The following DPH6 variants were observed in gnomAD, a reference collection of about 807,000 sequenced individuals.
DPH6 encodes diphthamine biosynthesis 6.
In DPH6, 33 loss-of-function variants were observed where a neutral mutation model predicts 38.2. The observed-to-expected ratio is 0.86, with a 90% CI of 0.65 to 1.15. DPH6 has a LOEUF of 1.15. Ranked by LOEUF, DPH6 falls within the 50% of genes most tolerant of loss-of-function variation. DPH6 has a pLI of 0.00. For missense variants in DPH6, 325 were observed against 320.0 expected (o/e 1.02, Z -0.12); for synonymous variants, 108 against 103.0 (o/e 1.05, Z -0.30).
At chr15:35,506,885 A>G (rs1452589065) in intron 3 of DPH6, among the ~76,000 whole-genome samples, 1 of 152,198 alleles carries the variant, frequency 6.6e-6, no homozygotes, top group African/African-American at 2.4e-5. Flanking sequence ...CTGTTTAACA[A>G]TGACTTGTCT....
intron 3 of DPH6, among the ~76,000 whole-genome samples, chr15:35,320,859 A>G (rs1421234885): frequency 6.6e-6 from 1 of 152,216 alleles, no homozygotes; most frequent in African/African-American, 2.4e-5. Flanking sequence ...GGAGAAAAAA[A>G]TAAAAGCTCT....
the DPH6 span, among the ~76,000 whole-genome samples, chr15:35,207,305 C>T: frequency 6.6e-6 from 1 of 151,926 alleles, no homozygotes; most frequent in African/African-American, 2.4e-5. Context: ...ACCTGGCCTC[C>T]CAAAGTGCTG....
the DPH6 span, among the ~76,000 whole-genome samples, chr15:35,180,896 G>C: frequency 3.3e-5 from 5 of 152,118 alleles, no homozygotes; most frequent in Admixed American, 6.6e-5. Flanking sequence ...GGCATTGAAA[G>C]TAATTTTTAA....
intron 6 of DPH6, among the ~76,000 whole-genome samples, chr15:35,398,263 G>A (rs2053171895): frequency 6.6e-6 from 1 of 152,120 alleles, no homozygotes; most frequent in Non-Finnish European, 1.5e-5. Context: ...TTCTAATGAG[G>A]TGACCCTTGG....
rs2051607814 is a variant in DPH6, at chr15:35,242,513, T to A, written n.201-21931A>T. The stretch of plus-strand genomic sequence containing the variant: ...AGTTCTTCCCTTCTGTCAGACATAA[T>A]TCCTCAGTTTAGCCTTCCCACCTCT... On this transcript the variant is annotated intron_variant and non_coding_transcript_variant, in intron 3 of 3. Coordinates refer to the DPH6 transcript ENST00000560386. 2.1e-5 allele frequency among the ~76,000 whole-genome samples: 3 copies of A among 143,420 alleles called. 1 individual carries two copies. Among genetic ancestry groups the A allele is most frequent in the South Asian group, 4.9e-4 (2 of 4,122 alleles). 94.1% of individuals were successfully genotyped at this position (143,420 alleles called of 152,430 possible).
chr15:35,227,771 TTCTC>T (rs1266679357), intron 3 of DPH6, among the ~76,000 whole-genome samples: 1 of 152,052 alleles, frequency 6.6e-6, no homozygotes, highest in Non-Finnish European at 1.5e-5. Context: ...AGATATAAAC[TTCTC>T]TCTTAGTACC....
the DPH6 span, among the ~76,000 whole-genome samples, chr15:35,182,973 C>G: frequency 6.6e-6 from 1 of 152,136 alleles, no homozygotes; most frequent in African/African-American, 2.4e-5. Context: ...CAATGCAAAA[C>G]AAAGACTACA....
At chr15:35,422,922 T>C (rs1812331236) in intron 5 of DPH6, among the ~76,000 whole-genome samples, 1 of 151,926 alleles carries the variant, frequency 6.6e-6, no homozygotes, top group Non-Finnish European at 1.5e-5. Flanking sequence ...TAATACTTCA[T>C]TGTATAAATA....
At chr15:35,155,384 G>A in the DPH6 span, among the ~76,000 whole-genome samples, 1 of 152,168 alleles carries the variant, frequency 6.6e-6, no homozygotes, top group Non-Finnish European at 1.5e-5. Context: ...GAAGCAGGCT[G>A]GCATAATTGT....
intron 3 of DPH6, among the ~76,000 whole-genome samples, chr15:35,335,943 G>A (rs986111481): frequency 2.0e-5 from 3 of 152,112 alleles, no homozygotes; most frequent in African/African-American, 7.2e-5. Flanking sequence ...AGTTTAATGG[G>A]AATAGCATTG....
chr15:35,222,398 T>C (rs2051448274), intron 3 of DPH6, among the ~76,000 whole-genome samples: 2 of 152,222 alleles, frequency 1.3e-5, no homozygotes, highest in African/African-American at 4.8e-5. Flanking sequence ...TGGCACAGTC[T>C]CATGAGGTCC....
chr15:35,218,339 T>G (rs2051422042), exon 4 of DPH6: 1 of 152,240 alleles, frequency 6.6e-6, no homozygotes, highest in Admixed American at 6.5e-5. Flanking sequence ...ATCTTTGTTA[T>G]GAATGCATTC....
At chr15:35,523,537 A>G (rs1343250564) in intron 3 of DPH6, among the ~76,000 whole-genome samples, 1 of 152,016 alleles carries the variant, frequency 6.6e-6, no homozygotes, top group Non-Finnish European at 1.5e-5. Flanking sequence ...AAGAAAAATT[A>G]AAAACTGAAC....
chr15:35,420,079 A>G (rs2053485317), intron 5 of DPH6, among the ~76,000 whole-genome samples: 1 of 152,138 alleles, frequency 6.6e-6, no homozygotes, highest in African/African-American at 2.4e-5. Context: ...AATCATGTCA[A>G]GTATCTTTTT....
At chr15:35,511,544 G>A (rs1487585817) in intron 3 of DPH6, among the ~76,000 whole-genome samples, 1 of 152,112 alleles carries the variant, frequency 6.6e-6, no homozygotes, top group East Asian at 1.9e-4. Context: ...TGTGTTTATA[G>A]CTGAAAAGTA....
chr15:35,305,887 T>C (rs768917189), intron 3 of DPH6, among the ~76,000 whole-genome samples: 3 of 152,220 alleles, frequency 2.0e-5, no homozygotes, highest in Non-Finnish European at 4.4e-5. Context: ...TCTGTTATTC[T>C]TGTTTTGGGT....
chr15:35,218,601 G>A (rs1034706263), exon 4 of DPH6: 1 of 152,136 alleles, frequency 6.6e-6, no homozygotes, highest in African/African-American at 2.4e-5. Context: ...TTTTCTAATA[G>A]GATTAATGCT....
chr15:35,537,235 G>A (rs918126917), intron 3 of DPH6, among the ~76,000 whole-genome samples: 1 of 152,000 alleles, frequency 6.6e-6, no homozygotes, highest in Non-Finnish European at 1.5e-5. Flanking sequence ...AAGTTCATGA[G>A]GTAACTTCTG....
At chr15:35,198,003 G>A in the DPH6 span, among the ~76,000 whole-genome samples, 2 of 151,948 alleles carry the variant, frequency 1.3e-5, no homozygotes, top group African/African-American at 2.4e-5. Context: ...TAGGACATAA[G>A]ACCTCATGGC....
Sources: allele counts gnomAD v4.1 joint callset (sites outside exome capture counted in the v4.1 genomes callset), GRCh38; gene constraint gnomAD v4.1.1; transcripts MANE v1.5; gene names NCBI Gene and HGNC (gene_info 2026-07-23, HGNC 2026-07-21).